The following PLEKHM3 variants were observed in gnomAD, a reference collection of about 807,000 sequenced individuals.
The protein encoded by PLEKHM3 is pleckstrin homology domain-containing family M member 3.
Under a neutral mutation model 81.8 loss-of-function variants are expected in PLEKHM3, and 45 were observed. That is an observed-to-expected ratio of 0.55 (90% CI 0.43 to 0.71). PLEKHM3 has a LOEUF of 0.71. Among genes scored for constraint, PLEKHM3 ranks in the 30% least tolerant of loss-of-function variants. The probability of loss-of-function intolerance (pLI) is 0.00; values close to 1 mark genes in which losing one functional copy is unlikely to be tolerated. For missense variants in PLEKHM3, 788 were observed against 924.3 expected (o/e 0.85, Z 1.91); for synonymous variants, 352 against 356.4 (o/e 0.99, Z 0.14).
At chr2:207,936,318 A>G (rs190805608) in intron 4 of PLEKHM3, among the ~76,000 whole-genome samples, 1 of 152,302 alleles carries the variant, frequency 6.6e-6, no homozygotes, top group East Asian at 1.9e-4. Context: ...CTGGAATAAG[A>G]GCATCCATAA....
chr2:207,962,586 G>A (rs1355940686), intron 3 of PLEKHM3, among the ~76,000 whole-genome samples: 1 of 152,238 alleles, frequency 6.6e-6, no homozygotes, highest in Non-Finnish European at 1.5e-5. Flanking sequence ...GTCAGTCACT[G>A]TGCAGGTGGC....
At chr2:207,974,400 G>A (rs1691232105) in intron 3 of PLEKHM3, among the ~76,000 whole-genome samples, 1 of 152,204 alleles carries the variant, frequency 6.6e-6, no homozygotes, top group Admixed American at 6.5e-5. Context: ...CACTCCATCA[G>A]AAGGCACACT....
intron 5 of PLEKHM3, among the ~76,000 whole-genome samples, chr2:207,919,583 G>A (rs1279511017): frequency 6.6e-6 from 1 of 152,166 alleles, no homozygotes; most frequent in African/African-American, 2.4e-5. Flanking sequence ...CCGACTGGAT[G>A]TAGAATATGA....
intron 6 of PLEKHM3, among the ~76,000 whole-genome samples, chr2:207,870,209 T>TG (rs1442301768): frequency 1.3e-5 from 2 of 152,210 alleles, no homozygotes; most frequent in South Asian, 2.1e-4. Context: ...TCAAAATTTA[T>TG]GGGGGGCGGA....
chr2:207,968,268 T>C (rs1690989572), intron 3 of PLEKHM3, among the ~76,000 whole-genome samples: 1 of 152,100 alleles, frequency 6.6e-6, no homozygotes, highest in Non-Finnish European at 1.5e-5. Context: ...CCAGAGCACC[T>C]ACTACAGCAT....
intron 4 of PLEKHM3, among the ~76,000 whole-genome samples, chr2:207,936,695 C>G (rs1462628315): frequency 6.6e-6 from 1 of 151,848 alleles, no homozygotes; most frequent in Non-Finnish European, 1.5e-5. Context: ...ATGCCTATAT[C>G]TAGGAAGTTA....
chr2:207,945,240 C>T (rs1329240840), intron 4 of PLEKHM3, among the ~76,000 whole-genome samples: 2 of 152,144 alleles, frequency 1.3e-5, no homozygotes, highest in African/African-American at 4.8e-5. Context: ...CCTTCTTGGC[C>T]TCCTTTGCTG....
At chr2:207,985,062 A>T (rs1691669314) in intron 2 of PLEKHM3, among the ~76,000 whole-genome samples, 1 of 151,922 alleles carries the variant, frequency 6.6e-6, no homozygotes, top group Non-Finnish European at 1.5e-5. Context: ...GGGGGTTCAG[A>T]GTATATTAGC....
chr2:207,985,919 T>C (rs1300244440), intron 2 of PLEKHM3, among the ~76,000 whole-genome samples: 1 of 145,476 alleles, frequency 6.9e-6, no homozygotes, highest in Non-Finnish European at 1.5e-5. Context: ...ACCTGGGAGG[T>C]GGAGCTTGCA....
At chr2:207,968,019 G>C (rs969433612) in intron 3 of PLEKHM3, among the ~76,000 whole-genome samples, 1 of 151,910 alleles carries the variant, frequency 6.6e-6, no homozygotes, top group Non-Finnish European at 1.5e-5. Flanking sequence ...CAATCCTTGA[G>C]TAAAACTGCA....
intron 2 of PLEKHM3, among the ~76,000 whole-genome samples, chr2:207,984,176 T>C (rs1216071109): frequency 2.0e-5 from 3 of 152,208 alleles, no homozygotes; most frequent in Non-Finnish European, 4.4e-5. Context: ...CTTACCCCTC[T>C]CCAACTCTTG....
chr2:207,931,596 T>A (rs1689600184), intron 4 of PLEKHM3, among the ~76,000 whole-genome samples: 1 of 152,268 alleles, frequency 6.6e-6, no homozygotes, highest in African/African-American at 2.4e-5. Context: ...CAAATGCTGA[T>A]TTTTAAAAAC....
chr2:207,941,370 C>T (rs1689933368), intron 4 of PLEKHM3, among the ~76,000 whole-genome samples: 1 of 152,186 alleles, frequency 6.6e-6, no homozygotes, highest in African/African-American at 2.4e-5. Flanking sequence ...AGGACCTACA[C>T]TGGGGAAAGG....
chr2:207,985,667 T>C (rs567597428), intron 2 of PLEKHM3, among the ~76,000 whole-genome samples: 1 of 152,198 alleles, frequency 6.6e-6, no homozygotes, highest in South Asian at 2.1e-4. Context: ...TTGGTTACTT[T>C]ATAAAATTTT....
chr2:207,939,435 T>C (rs187155767), intron 4 of PLEKHM3, among the ~76,000 whole-genome samples: 31 of 152,250 alleles, frequency 2.0e-4, no homozygotes, highest in African/African-American at 6.7e-4. Context: ...ATGGCTGTAC[T>C]ATTAATGAAG....
chr2:207,979,309 T>C (rs1574464080), intron 2 of PLEKHM3, among the ~76,000 whole-genome samples: 1 of 151,642 alleles, frequency 6.6e-6, no homozygotes. Flanking sequence ...CCGAGGAGGG[T>C]GGATCACCTG....
At chr2:207,848,215 A>G (rs575683775) in intron 7 of PLEKHM3, among the ~76,000 whole-genome samples, 2 of 152,194 alleles carry the variant, frequency 1.3e-5, no homozygotes, top group East Asian at 3.9e-4. Flanking sequence ...GTTTTGTTCC[A>G]CCTGCCTCCA....
At position 207,929,922 on chromosome 2, in the gene PLEKHM3, T is replaced by G. The variant is rs770263153; in HGVS notation, c.1886+1004A>C. ...CTCCAAAAACATTTAACATGACTAA[T>G]GCATGCTGCTGGTCATTTCTATTAA... is the stretch of plus-strand genomic sequence containing the variant. On this transcript the variant is annotated intron_variant, in intron 5 of 7. Coordinates refer to ENST00000427836, the MANE Select transcript of PLEKHM3 (RefSeq NM_001080475.3). 1.0e-5 allele frequency: 7 copies of G among 699,614 alleles called. No individual in the cohort carries two copies. In the South Asian group the frequency reaches 1.1e-4, roughly 11 times the overall value. 43.3% of individuals were successfully genotyped at this position (699,614 alleles called of 1,614,324 possible).
At chr2:207,928,216 T>C (rs2105935217) in intron 5 of PLEKHM3, among the ~76,000 whole-genome samples, 1 of 152,298 alleles carries the variant, frequency 6.6e-6, no homozygotes, top group African/African-American at 2.4e-5. Flanking sequence ...GGAATCAATG[T>C]CTCATTGTTG....
Sources: gnomAD v4.1 joint callset for allele counts (sites outside exome capture counted in the v4.1 genomes callset) on GRCh38, gnomAD v4.1.1 for gene constraint, MANE v1.5 for transcripts, NCBI Gene and HGNC (gene_info 2026-07-23, HGNC 2026-07-21) for gene names.